The following EVC2 variants were observed in gnomAD, a reference collection of about 807,000 sequenced individuals.
EVC2 encodes EvC ciliary complex subunit 2.
EVC2 carries 148 observed loss-of-function variants against 149.3 expected under a neutral mutation model. That is an observed-to-expected ratio of 0.99 (90% CI 0.87 to 1.14). EVC2 has a LOEUF of 1.14. Among genes scored for constraint, EVC2 ranks in the 50% most tolerant of loss-of-function variants. The pLI, the probability that EVC2 is intolerant of heterozygous loss-of-function variation, is 0.00. For missense variants in EVC2, 1,854 were observed against 1,627.3 expected, an observed-to-expected ratio of 1.14 and a Z score of -2.40; for synonymous variants, 776 against 649.9, an observed-to-expected ratio of 1.19 and a Z score of -2.95.
intron 8 of EVC2, 83 bp from the exon 9 acceptor site, chr4:5,663,329 G>A: frequency 6.3e-7 from 1 of 1,593,684 alleles, no homozygotes; most frequent in Non-Finnish European, 8.6e-7. Flanking sequence ...GGAAGGCCAG[G>A]GGTCTGCAGT....
intron 16 of EVC2, among the ~76,000 whole-genome samples, chr4:5,593,493 T>G (rs1210706506): frequency 6.6e-6 from 1 of 152,208 alleles, no homozygotes; most frequent in East Asian, 1.9e-4. Context: ...GGTAACATTA[T>G]CAAGAAACTT....
At chr4:5,641,343 C>T (rs191415273) in intron 9 of EVC2, among the ~76,000 whole-genome samples, 4 of 152,166 alleles carry the variant, frequency 2.6e-5, no homozygotes, top group Admixed American at 6.5e-5. Flanking sequence ...ACTGTATCAA[C>T]GTTGATTTGT....
chr4:5,619,081 C>G (rs1417957096), intron 14 of EVC2, among the ~76,000 whole-genome samples: 1 of 152,178 alleles, frequency 6.6e-6, no homozygotes, highest in Admixed American at 6.5e-5. Flanking sequence ...CAAAACTCAG[C>G]TCAGGGAGGT....
rs952442035 is a variant in EVC2 at position 5,614,467 on chromosome 4, T to C, written c.2829+955A>G. Among the ~76,000 whole-genome samples the C allele has an allele frequency of 3.3e-5, 5 of 151,176 alleles. No individual in the cohort carries two copies. Among genetic ancestry groups the C allele is most frequent in the Admixed American group, 1.3e-4 (2 of 15,200 alleles). ...TGATAGGTGCTATGGTAAGGAAGAG[T>C]TGGAAGTGGGGTGGAATGAGTGGGA... is the stretch of plus-strand genomic sequence containing the variant. On this transcript the variant is annotated intron_variant, in intron 16 of 21. Transcript: ENST00000344408. The surrounding 1 kb of genome is among the most constrained non-coding windows in gnomAD (Gnocchi z 4.7).
chr4:5,574,970 T>C (rs1030142896), intron 18 of EVC2, among the ~76,000 whole-genome samples, 198 bp from the exon 19 acceptor site: 3 of 151,734 alleles, frequency 2.0e-5, no homozygotes, highest in Admixed American at 2.0e-4. Flanking sequence ...TCAAGGAGGG[T>C]TTCCTCAGAA....
chr4:5,535,623 G>GAGAGAGAGAGAGAT, the EVC2 span, among the ~76,000 whole-genome samples: 1 of 151,128 alleles, frequency 6.6e-6, no homozygotes, highest in African/African-American at 2.4e-5. This position sits in a 1 kb window ranked among gnomAD's most constrained non-coding sequence, Gnocchi z 4.7. Flanking sequence ...GAGAGAGAGA[G>GAGAGAGAGAGAGAT]AGAGAGAGAG....
chr4:5,587,189 C>A (rs1441540909), intron 16 of EVC2, among the ~76,000 whole-genome samples: 1 of 152,114 alleles, frequency 6.6e-6, no homozygotes, highest in Non-Finnish European at 1.5e-5. Flanking sequence ...TCAGTAGCCC[C>A]CACCTCTATT....
At chr4:5,698,471 T>C (rs1428582793) in intron 1 of EVC2, among the ~76,000 whole-genome samples, 1 of 152,178 alleles carries the variant, frequency 6.6e-6, no homozygotes, top group African/African-American at 2.4e-5. Flanking sequence ...CAAAGCCTCC[T>C]CCGAGTCTGC....
downstream of EVC2, among the ~76,000 whole-genome samples, chr4:5,539,592 A>G (rs1200516540): frequency 6.6e-6 from 1 of 152,216 alleles, no homozygotes; most frequent in Non-Finnish European, 1.5e-5. Flanking sequence ...ATAAACAAAT[A>G]GATCAATTAA....
intron 21 of EVC2, among the ~76,000 whole-genome samples, chr4:5,563,335 T>C (rs1313117952): frequency 1.3e-5 from 2 of 152,158 alleles, no homozygotes; most frequent in Non-Finnish European, 2.9e-5. Flanking sequence ...CTCATGACCA[T>C]TCCATTTTCA....
chr4:5,655,519 C>T (rs747456402), intron 9 of EVC2, among the ~76,000 whole-genome samples: 4 of 152,254 alleles, frequency 2.6e-5, no homozygotes, highest in Admixed American at 6.5e-5. Flanking sequence ...AAATGCCCCA[C>T]GCACATTCTG....
At chr4:5,662,639 A>G (rs923410635) in intron 9 of EVC2, among the ~76,000 whole-genome samples, 17 of 145,042 alleles carry the variant, frequency 1.2e-4, no homozygotes, top group African/African-American at 3.5e-4. Context: ...ATTAAAATAT[A>G]ATATATTAAT....
At chr4:5,678,516 G>A (rs1268070052) in intron 7 of EVC2, among the ~76,000 whole-genome samples, 2 of 152,172 alleles carry the variant, frequency 1.3e-5, no homozygotes, top group Non-Finnish European at 2.9e-5. Flanking sequence ...CTACAGGCAT[G>A]CATCACCTAA....
chr4:5,529,247 A>G, the EVC2 span, among the ~76,000 whole-genome samples: 4 of 152,146 alleles, frequency 2.6e-5, no homozygotes, highest in African/African-American at 9.7e-5. This position sits in a 1 kb window ranked among gnomAD's most constrained non-coding sequence, Gnocchi z 4.5. Flanking sequence ...CCATATGGCT[A>G]CCCACCTCAG....
Position 5,584,559 on chromosome 4 carries a change from T to C in EVC2, c.3057+64A>G, listed in dbSNP as rs1036727352. The C allele has an allele frequency of 4.0e-6, 6 of 1,500,076 alleles. No homozygotes were observed. In the Admixed American group the frequency reaches 1.1e-4, roughly 28 times the overall value. The allele number at this position is 1,500,076 out of a possible 1,614,324, so 92.9% of individuals were successfully genotyped here. On this transcript the variant is annotated intron_variant, in intron 17 of 21. Transcript: ENST00000344408. ...TTGCAGCCTGTTTCATAGAGGAAGA[T>C]GCAGAGGTAGGTACCAGAAAGACCC...
At chr4:5,693,210 G>A (rs1204773420) in intron 3 of EVC2, among the ~76,000 whole-genome samples, 1 of 152,202 alleles carries the variant, frequency 6.6e-6, no homozygotes, top group Non-Finnish European at 1.5e-5. Flanking sequence ...AACTGGAGAG[G>A]ACTGGAAAGA....
chr4:5,551,801 C>T (rs1272757905), intron 21 of EVC2, among the ~76,000 whole-genome samples: 5 of 152,082 alleles, frequency 3.3e-5, no homozygotes, highest in Non-Finnish European at 5.9e-5. Flanking sequence ...CCGGTCTTTC[C>T]CGTGCTGTTC....
chr4:5,550,794 T>C (rs927452139), intron 21 of EVC2, among the ~76,000 whole-genome samples: 2 of 152,220 alleles, frequency 1.3e-5, no homozygotes, highest in African/African-American at 2.4e-5. Context: ...TTTGTGGGCC[T>C]GGCCCACGGT....
At chr4:5,585,090 G>A (rs1320042966) in intron 16 of EVC2, among the ~76,000 whole-genome samples, 5 of 152,140 alleles carry the variant, frequency 3.3e-5, no homozygotes, top group Admixed American at 3.3e-4. Flanking sequence ...ATCCTCAAGA[G>A]TCACCTGAGC....
Sources: gnomAD v4.1 joint callset for allele counts (sites outside exome capture counted in the v4.1 genomes callset) on GRCh38, gnomAD v4.1.1 for gene constraint, Gnocchi (gnomAD v3.1) non-coding constraint, MANE v1.5 for transcripts, NCBI Gene and HGNC (gene_info 2026-07-23, HGNC 2026-07-21) for gene names.